The following PCDH12 variants were observed in gnomAD, a reference collection of about 807,000 sequenced individuals.
PCDH12 encodes the protein protocadherin-12.
Under a neutral mutation model 70.9 loss-of-function variants are expected in PCDH12, and 45 were observed. The ratio of observed to expected loss-of-function variants is 0.63; its 90% CI spans 0.50 to 0.81. The LOEUF (loss-of-function observed/expected upper bound fraction) is 0.81, where lower values mean the gene tolerates loss of function less well. Among genes scored for constraint, PCDH12 ranks in the 40% least tolerant of loss-of-function variants. The pLI, the probability that PCDH12 is intolerant of heterozygous loss-of-function variation, is 0.00. For synonymous variants in PCDH12, 567 were observed against 626.0 expected, an observed-to-expected ratio of 0.91 and a Z score of 1.41; for missense variants, 1,370 against 1,491.7, an observed-to-expected ratio of 0.92 and a Z score of 1.34.
In PCDH12 at chr5:141,957,262, A is replaced by G. The variant is rs1753200665; in HGVS notation, c.590T>C (p.Ile197Thr). The change falls in exon 1 of 4, where the codon ATA becomes ACA. Residue 197 changes from isoleucine to threonine, a missense_variant. Ile to Thr is a moderately conservative substitution (Grantham distance 89). Coordinates refer to ENST00000231484, the MANE Select transcript of PCDH12 (RefSeq NM_016580.4). The surrounding 1 kb of genome is among the most constrained non-coding windows in gnomAD (Gnocchi z 4.3). ...GPDETKHAEL[I>T]VVKELDREIH... ...TTCCCTGTCCAGCTCCTTCACCACTATGAGTTCTGCATGTTTGGTCTCATC... is the reference window on the plus strand; with the variant it reads ...TTCCCTGTCCAGCTCCTTCACCACTGTGAGTTCTGCATGTTTGGTCTCATC... 2.5e-6 allele frequency: 4 copies of G among 1,614,038 alleles called. No homozygotes were observed. In the East Asian group the frequency reaches 6.7e-5, roughly 27 times the overall value.
Position 141,951,518 on chromosome 5 carries a change from A to G in PCDH12, c.2953T>C (p.Tyr985His). The G allele has an allele frequency of 1.9e-6, 3 of 1,614,052 alleles. No homozygotes were observed. The highest frequency in any genetic ancestry group is 2.5e-6 in the Non-Finnish European group (3 of 1,179,998). Reference sequence around the variant, plus strand: ...CTGCTGCCTCCTGGCTTGGCCAAGTACTTATTTCCTCGGTGGTTTGGTTTG... The same window carrying G: ...CTGCTGCCTCCTGGCTTGGCCAAGTGCTTATTTCCTCGGTGGTTTGGTTTG... ...QPKPNHRGNK[Y>H]LAKPGGSRSA... The change falls in exon 2 of 4, where the codon TAC (tyrosine) becomes CAC (histidine). Residue 985 changes from tyrosine (Y) to histidine (H), a missense_variant. Tyr to His is a moderately conservative substitution (Grantham distance 83). Transcript: ENST00000231484.
intron 2 of PCDH12, among the ~76,000 whole-genome samples, chr5:141,950,990 G>A (rs1475893966): frequency 6.6e-6 from 1 of 152,190 alleles, no homozygotes; most frequent in Non-Finnish European, 1.5e-5. Flanking sequence ...TAGCTGGTTT[G>A]AATCAAGCTA....
chr5:141,955,518 C>G lies in PCDH12; in HGVS notation c.2334G>C (p.Val778=). 1 of 1,614,214 alleles carries G rather than the reference C, an allele frequency of 6.2e-7. No homozygotes were observed. Among genetic ancestry groups the G allele is most frequent in the African/African-American group, 1.3e-5 (1 of 75,064 alleles). ...KHIQKADIHL[V]PVLRGQAGEP... is the part of the protein sequence containing the mutation. ...CACCTGCCTGACCCCTGAGCACAGG[C>G]ACGAGGTGGATGTCTGCCTTCTGAA... Residue 778 remains valine (V), a synonymous_variant, in exon 1 of 4, where the codon GTG becomes GTC. Coordinates refer to ENST00000231484, the MANE Select transcript of PCDH12 (RefSeq NM_016580.4). The surrounding 1 kb of genome is among the most constrained non-coding windows in gnomAD (Gnocchi z 5.5).
rs778152852 is a variant in PCDH12, at chr5:141,956,383, C to T, written c.1469G>A (p.Gly490Asp). 1.2e-6 allele frequency: 2 copies of T among 1,614,206 alleles called. No homozygotes were observed. The highest frequency in any genetic ancestry group is 2.2e-5 in the East Asian group (1 of 44,894). Residue 490 changes from glycine (G) to aspartate (D), a missense_variant, in exon 1 of 4, where the codon GGC (glycine) becomes GAC (aspartate). Physicochemically the swap from Gly to Asp is moderately conservative, Grantham distance 94 (BLOSUM62 -1). Transcript: ENST00000231484. ...ITIKAHDADL[G>D]INGKVSYRIQ... ...GCGGTATGAGACTTTTCCATTAATG[C>T]CCAAGTCTGCATCATGAGCCTTGAT...
At chr5:141,948,591 T>C (rs1466151695) in intron 3 of PCDH12, among the ~76,000 whole-genome samples, 2 of 152,214 alleles carry the variant, frequency 1.3e-5, no homozygotes, top group Non-Finnish European at 2.9e-5. Context: ...TTGCAATTGT[T>C]AGCATATTAA....
chr5:141,955,392 CG>C lies in PCDH12; in HGVS notation c.2459del (p.Pro820ArgfsTer44), dbSNP rs1561535934. On this transcript the variant is annotated frameshift_variant, in exon 1 of 4. Coordinates refer to ENST00000231484, the MANE Select transcript of PCDH12 (RefSeq NM_016580.4). LOFTEE classifies it high-confidence loss of function. This position sits in a 1 kb window ranked among gnomAD's most constrained non-coding sequence, Gnocchi z 5.5. The stretch of plus-strand genomic sequence containing the variant: ...GATTACGCAGCGTCCTGTACAGGGT[CG>C]GGGTGAGGTGGAAGGGGGCCTGCAG... ...PCLQAPFHLT[P>X]TLYRTLRNQG... The C allele has an allele frequency of 6.2e-7, 1 of 1,613,938 alleles. No homozygotes were observed.
chr5:141,949,561 C>T lies in PCDH12; in HGVS notation c.3001G>A (p.Gly1001Ser). The change falls in exon 3 of 4, where the codon GGC becomes AGC. Residue 1001 changes from glycine (G) to serine (S), a missense_variant. By Grantham distance (56) the Gly-to-Ser change is moderately conservative. Transcript: ENST00000231484. The stretch of plus-strand genomic sequence containing the variant: ...TGGCCTCCAGCCCTTGCACTTGGGC[C>T]ATCTGTGTCTGGGATTGCACTCCTG... ...GSRSAIPDTD[G>S]PSARAGGQTD... The T allele has an allele frequency of 6.2e-7, 1 of 1,614,076 alleles. No homozygotes were observed. Among genetic ancestry groups the T allele is most frequent in the Non-Finnish European group, 8.5e-7 (1 of 1,179,976 alleles).
At chr5:141,954,853 G>A in intron 1 of PCDH12, 119 bp downstream of exon 1, 1 of 1,328,488 alleles carries the variant, frequency 7.5e-7, no homozygotes, top group South Asian at 1.4e-5. Context: ...CAAAGCATCA[G>A]AAAGTGCCAG....
chr5:141,957,698 CCTGGGACAGCTTCCCGATCA>C lies in PCDH12; in HGVS notation c.134_153del (p.Val45GlyfsTer31), dbSNP rs772541982. 9 of 1,614,076 alleles carry C rather than the reference CCTGGGACAGCTTCCCGATCA, an allele frequency of 5.6e-6. No homozygotes were observed. Among genetic ancestry groups the C allele is most frequent in the Non-Finnish European group, 6.8e-6 (8 of 1,180,054 alleles). On this transcript the variant is annotated frameshift_variant, in exon 1 of 4. Coordinates refer to ENST00000231484, the MANE Select transcript of PCDH12 (RefSeq NM_016580.4). LOFTEE classifies it high-confidence loss of function. This position sits in a 1 kb window ranked among gnomAD's most constrained non-coding sequence, Gnocchi z 4.3. ...CTCCGCCTCTCCTCCCGGCCCAGTT[CCTGGGACAGCTTCCCGATCA>C]CTGTACCAGATGGCACTTCCTCTGA...
rs758771311 is a variant in PCDH12, at chr5:141,956,746, T to C, written c.1106A>G (p.Lys369Arg). Residue 369 changes from lysine (K) to arginine (R), a missense_variant, in exon 1 of 4, where the codon AAG becomes AGG. Physicochemically the swap from Lys to Arg is conservative, Grantham distance 26. Transcript: ENST00000231484. Reference protein sequence around the residue: ...QPSLVSEALPKDSFIALVMAD... With the variant: ...QPSLVSEALPRDSFIALVMAD... ...CATGACAAGAGCAATAAAACTGTCC[T>C]TGGGAAGAGCTTCTGACACCAGTGA... 1 of 1,614,214 alleles carries C rather than the reference T, an allele frequency of 6.2e-7. No individual in the cohort carries two copies. Among genetic ancestry groups the C allele is most frequent in the East Asian group, 2.2e-5 (1 of 44,886 alleles).
In PCDH12 at chr5:141,956,572, G is replaced by A; in HGVS notation, c.1280C>T (p.Thr427Ile). The change falls in exon 1 of 4, where the codon ACC becomes ATC. Residue 427 changes from threonine to isoleucine, a missense_variant. Thr to Ile is a moderately conservative substitution (Grantham distance 89). Coordinates refer to ENST00000231484, the MANE Select transcript of PCDH12 (RefSeq NM_016580.4). ...TTGGTCTTGGGCTAACAGAGTGAGGGTATATTTGGGCCACTGCTCTCTGTC... is the reference window on the plus strand; with the variant it reads ...TTGGTCTTGGGCTAACAGAGTGAGGATATATTTGGGCCACTGCTCTCTGTC... Reference protein sequence around the residue: ...TLDREQWPKYTLTLLAQDQGL... With the variant: ...TLDREQWPKYILTLLAQDQGL... 1 of 1,614,168 alleles carries A rather than the reference G, an allele frequency of 6.2e-7. No homozygotes were observed. Among genetic ancestry groups the A allele is most frequent in the Non-Finnish European group, 8.5e-7 (1 of 1,180,032 alleles).
At position 141,957,604 on chromosome 5, in the gene PCDH12, T is replaced by A; in HGVS notation, c.248A>T (p.Glu83Val). ...CCGCCTGCCTGTGCTGAGCAAGCCTTCCTCAGAGTCCACCTGAATGGGGAG... is the reference window on the plus strand; with the variant it reads ...CCGCCTGCCTGTGCTGAGCAAGCCTACCTCAGAGTCCACCTGAATGGGGAG... ...QALPIQVDSE[E>V]GLLSTGRRLD... Residue 83 changes from glutamate (E) to valine (V), a missense_variant, in exon 1 of 4, where the codon GAA becomes GTA. Physicochemically the swap from Glu to Val is moderately radical, Grantham distance 121. Transcript: ENST00000231484. This position sits in a 1 kb window ranked among gnomAD's most constrained non-coding sequence, Gnocchi z 4.3. 3.1e-6 allele frequency: 5 copies of A among 1,614,202 alleles called. No individual in the cohort carries two copies. In the South Asian group the frequency reaches 4.4e-5, roughly 14 times the overall value.
Position 141,957,959 on chromosome 5 carries a change from C to T in PCDH12, c.-108G>A. ...TTGATCAGCCCCGTGCTCCTTCCCC[C>T]AGAGCTGCCGGCACAACCTTGTCCC... On this transcript the variant is annotated 5_prime_UTR_variant, in exon 1 of 4. Coordinates refer to ENST00000231484, the MANE Select transcript of PCDH12 (RefSeq NM_016580.4). The surrounding 1 kb of genome is among the most constrained non-coding windows in gnomAD (Gnocchi z 4.3). 7.7e-7 allele frequency: 1 copy of T among 1,307,030 alleles called. No individual in the cohort carries two copies. Among genetic ancestry groups the T allele is most frequent in the Non-Finnish European group, 1.0e-6 (1 of 959,754 alleles). The allele number at this position is 1,307,030 out of a possible 1,614,324, so 81.0% of individuals were successfully genotyped here.
chr5:141,945,241 C>T lies in PCDH12; in HGVS notation c.*140G>A. 9.6e-7 allele frequency: 1 copy of T among 1,037,756 alleles called. No individual in the cohort carries two copies. Among genetic ancestry groups the T allele is most frequent in the South Asian group, 1.6e-5 (1 of 64,078 alleles). The allele number at this position is 1,037,756 out of a possible 1,614,324, so 64.3% of individuals were successfully genotyped here. Reference sequence around the variant, plus strand: ...CAGCTGTTAGTCCTGGGGCTCTTGCCTCCTCTGTGGGGGTAGCATCAGTCA... The same window carrying T: ...CAGCTGTTAGTCCTGGGGCTCTTGCTTCCTCTGTGGGGGTAGCATCAGTCA... On this transcript the variant is annotated 3_prime_UTR_variant, in exon 4 of 4. Coordinates refer to ENST00000231484, the MANE Select transcript of PCDH12 (RefSeq NM_016580.4).
intron 3 of PCDH12, among the ~76,000 whole-genome samples, chr5:141,946,492 G>A (rs908725913): frequency 6.6e-6 from 1 of 152,144 alleles, no homozygotes; most frequent in East Asian, 1.9e-4. Flanking sequence ...TCTCTCTGAA[G>A]AGCTGGCCCT....
intron 1 of PCDH12, 22 bp from the exon 2 acceptor site, chr5:141,951,612 T>C: frequency 6.4e-7 from 1 of 1,561,284 alleles, no homozygotes; most frequent in Non-Finnish European, 8.8e-7. Flanking sequence ...GAAAAATCTG[T>C]TGACTCCACA....
At chr5:141,951,695 T>C (rs1753086170) in intron 1 of PCDH12, 105 bp from the exon 2 acceptor site, 4 of 833,932 alleles carry the variant, frequency 4.8e-6, no homozygotes, top group South Asian at 2.9e-5. Context: ...TAGTCTTTCC[T>C]CTGGCTTCAG....
rs1019723485 is a variant in PCDH12 at position 141,949,716 on chromosome 5, A to C, written c.2979-133T>G. ...ACAGCCTGGCCTCTAGAGTCAGACC[A>C]ACCTGGATCATGTGATTCCCGCCCT... On this transcript the variant is annotated intron_variant, in intron 2 of 3. Coordinates refer to ENST00000231484, the MANE Select transcript of PCDH12 (RefSeq NM_016580.4). 4 of 984,334 alleles carry C rather than the reference A, an allele frequency of 4.1e-6. No homozygotes were observed. In the African/African-American group the frequency reaches 6.6e-5, roughly 16 times the overall value. 61.0% of individuals were successfully genotyped at this position (984,334 alleles called of 1,614,324 possible). A position where few individuals can be genotyped will look rare whatever the true frequency, so the allele number is the denominator to read the frequency against.
chr5:141,952,333 GGGGGGTGGTACT>G (rs1753101248), intron 1 of PCDH12: 1 of 152,302 alleles, frequency 6.6e-6, no homozygotes, highest in Non-Finnish European at 1.5e-5. Context: ...GGAGGAAGCA[GGGGGGTGGTACT>G]GGATTAAGTT....
Sources: allele counts gnomAD v4.1 joint callset (sites outside exome capture counted in the v4.1 genomes callset), GRCh38; gene constraint gnomAD v4.1.1; non-coding constraint Gnocchi (gnomAD v3.1); transcripts MANE v1.5; gene names NCBI Gene and HGNC (gene_info 2026-07-23, HGNC 2026-07-21).